Variants in FAM217A observed in about 807,000 individuals in gnomAD.
FAM217A encodes the protein family with sequence similarity 217 member A, also known as protein FAM217A.
A neutral mutation model predicts 18.5 loss-of-function variants in FAM217A; 13 were observed. The ratio of observed to expected loss-of-function variants is 0.70; its 90% CI spans 0.46 to 1.12. FAM217A has a LOEUF of 1.12. FAM217A is among the 50% of genes most tolerant of loss of function. The probability of loss-of-function intolerance (pLI) is 0.00; values close to 1 mark genes in which losing one functional copy is unlikely to be tolerated. For missense variants in FAM217A, 560 were observed against 575.4 expected (o/e 0.97, Z 0.27); for synonymous variants, 161 against 202.8 (o/e 0.79, Z 1.75).
intron 3 of FAM217A, 55 bp downstream of exon 3, chr6:4,074,522 C>T (rs1769644480): frequency 1.3e-6 from 2 of 1,575,486 alleles, no homozygotes; most frequent in Non-Finnish European, 1.7e-6. Flanking sequence ...AAACAAACCC[C>T]CTTTTAATAT....
chr6:4,082,219 T>C (rs1332905333), upstream of FAM217A, among the ~76,000 whole-genome samples: 1 of 152,148 alleles, frequency 6.6e-6, no homozygotes, highest in African/African-American at 2.4e-5. Flanking sequence ...TGGCCCAGCG[T>C]AGGAGGTTGG....
upstream of FAM217A, chr6:4,079,629 C>T (rs1314603210): frequency 3.1e-6 from 4 of 1,288,566 alleles, no homozygotes; most frequent in African/African-American, 6.1e-5. Context: ...GCCCACCCGC[C>T]TCCACCCTCC....
At chr6:4,071,007 G>A (rs542015428) in intron 6 of FAM217A, among the ~76,000 whole-genome samples, 161 of 151,148 alleles carry the variant, frequency 1.1e-3, no homozygotes, top group African/African-American at 3.2e-3. Context: ...AAAAAAAAAA[G>A]AGAAAAAGAA....
rs1050684607 is a variant in FAM217A, at chr6:4,076,259, G to A, written c.60+1096C>T. Among the ~76,000 whole-genome samples the A allele has an allele frequency of 5.3e-5, 8 of 150,078 alleles. No homozygotes were observed. In the East Asian group the frequency reaches 1.2e-3, roughly 22 times the overall value. ...CAGGAGAATCACTTGAATCCGAGAC[G>A]CAGAAGTTGCAGTGAGCCACGATAG... On this transcript the variant is annotated intron_variant, in intron 2 of 6. Coordinates refer to ENST00000274673, the MANE Select transcript of FAM217A (RefSeq NM_173563.3).
At chr6:4,072,643 A>T (rs2473597) in intron 6 of FAM217A, among the ~76,000 whole-genome samples, 39,747 of 151,624 alleles carry the variant, frequency 0.26, 6,010 homozygotes, top group African/African-American at 0.41. Flanking sequence ...ATGCCTGTAA[A>T]CCCAGTTACT....
chr6:4,081,977 A>T (rs1370195085), upstream of FAM217A, among the ~76,000 whole-genome samples: 2 of 152,050 alleles, frequency 1.3e-5, no homozygotes, highest in Non-Finnish European at 2.9e-5. Context: ...ATCCTCTAAG[A>T]TTCTTTTTTT....
intron 2 of FAM217A, among the ~76,000 whole-genome samples, chr6:4,076,977 G>T (rs1170346458): frequency 6.6e-6 from 1 of 152,174 alleles, no homozygotes; most frequent in Admixed American, 6.5e-5. Context: ...CTGACAGTTT[G>T]CAAATTTCTT....
chr6:4,085,309 A>ATATATAT (rs1218177567), intron 1 of FAM217A, among the ~76,000 whole-genome samples: 29 of 114,406 alleles, frequency 2.5e-4, no homozygotes, highest in Middle Eastern at 4.3e-3. Flanking sequence ...ATTGTAAAAA[A>ATATATAT]AAATATATAT....
At position 4,068,715 on chromosome 6, in the gene FAM217A, G is replaced by T; in HGVS notation, c.1508C>A (p.Ser503Ter). The T allele has an allele frequency of 1.2e-6, 2 of 1,605,892 alleles. No individual in the cohort carries two copies. Among genetic ancestry groups the T allele is most frequent in the Non-Finnish European group, 1.7e-6 (2 of 1,176,860 alleles). ...PSLIAKDKCC[S>*]PIEQK ...AAAGAGTTATTTTTGTTCAATGGGT[G>T]AGCAGCACTTATCCTTAGCAATAAG... Residue 503 changes from serine (S) to a stop codon, truncating the protein, a stop_gained, in exon 7 of 7, where the codon TCA becomes TAA. Transcript: ENST00000274673. LOFTEE classifies it high-confidence loss of function.
chr6:4,084,562 C>T, intron 2 of FAM217A: 2 of 701,800 alleles, frequency 2.8e-6, no homozygotes, highest in South Asian at 1.5e-5. Context: ...GTTAAAGTCT[C>T]AGTGTCAGAA....
upstream of FAM217A, among the ~76,000 whole-genome samples, chr6:4,081,028 G>A (rs17677608): frequency 0.12 from 18,325 of 151,998 alleles, 1,203 homozygotes; most frequent in African/African-American, 0.15. Flanking sequence ...CATTTACAAC[G>A]TCTCAATCAC....
chr6:4,072,480 C>T (rs1054996374), intron 6 of FAM217A, among the ~76,000 whole-genome samples: 15 of 91,096 alleles, frequency 1.6e-4, no homozygotes, highest in African/African-American at 6.3e-4. Context: ...AAAAAAAAAG[C>T]GGCCTGGCAT....
chr6:4,074,518 AC>A (rs1769643536), intron 3 of FAM217A, 58 bp downstream of exon 3: 1 of 1,577,482 alleles, frequency 6.3e-7, no homozygotes, highest in Non-Finnish European at 8.7e-7. Context: ...TTCAAAACAA[AC>A]CCCCTTTTAA....
chr6:4,069,709 TTGAACA>T lies in FAM217A; in HGVS notation c.508_513del (p.Cys170_Ser171del), dbSNP rs1769278370. 6.2e-7 allele frequency: 1 copy of T among 1,614,194 alleles called. No individual in the cohort carries two copies. The highest frequency in any genetic ancestry group is 1.7e-5 in the Admixed American group (1 of 60,026). On this transcript the variant is annotated inframe_deletion, in exon 7 of 7. Coordinates refer to ENST00000274673, the MANE Select transcript of FAM217A (RefSeq NM_173563.3). ...GTTTCACCATCATTGTTTTCTATAG[TTGAACA>T]TGAACTAACATGAATCTCATTTCTG...
intron 1 of FAM217A, chr6:4,084,898 CT>C (rs1243611879): frequency 6.1e-6 from 4 of 655,382 alleles, no homozygotes; most frequent in Non-Finnish European, 1.1e-5. Flanking sequence ...AGTCATGCAG[CT>C]GCTGCGCTGC....
At chr6:4,082,810 A>G (rs1770387558), upstream of FAM217A, among the ~76,000 whole-genome samples, 1 of 152,278 alleles carries the variant, frequency 6.6e-6, no homozygotes, top group African/African-American at 2.4e-5. Flanking sequence ...ACTCCCATGT[A>G]TAAACACATG....
Position 4,069,194 on chromosome 6 carries a change from T to TCAG in FAM217A, c.1028_1029insCTG (p.Ile343_Pro344insTer), listed in dbSNP as rs764357663. The TCAG allele has an allele frequency of 6.2e-7, 1 of 1,614,130 alleles. No homozygotes were observed. Among genetic ancestry groups the TCAG allele is most frequent in the Non-Finnish European group, 8.5e-7 (1 of 1,180,022 alleles). ...TTTCTTGACTTTTATCTACACAAGG[T>TCAG]ATCTGAAGACTCAAAGAGTCGCAAA... On this transcript the variant is annotated stop_gained and inframe_insertion, in exon 7 of 7. Transcript: ENST00000274673. LOFTEE classifies it low-confidence loss of function (END_TRUNC).
At position 4,068,732 on chromosome 6, in the gene FAM217A, A is replaced by G. The variant is rs1769187792; in HGVS notation, c.1491T>C (p.Ala497=). Reference sequence around the variant, plus strand: ...CAATGGGTGAGCAGCACTTATCCTTAGCAATAAGGGAAGGCGACAAACAGT... The same window carrying G: ...CAATGGGTGAGCAGCACTTATCCTTGGCAATAAGGGAAGGCGACAAACAGT... ...KLNCLSPSLI[A]KDKCCSPIEQ... is the part of the protein sequence containing the mutation. The change falls in exon 7 of 7, where the codon GCT becomes GCC. Residue 497 remains alanine (A), a synonymous_variant. Coordinates refer to ENST00000274673, the MANE Select transcript of FAM217A (RefSeq NM_173563.3). 6.2e-7 allele frequency: 1 copy of G among 1,611,758 alleles called. No individual in the cohort carries two copies. The highest frequency in any genetic ancestry group is 1.3e-5 in the African/African-American group (1 of 74,778).
rs1561920528 is a variant in FAM217A, at chr6:4,069,838, T to C, written c.385A>G (p.Thr129Ala). 1 of 1,614,074 alleles carries C rather than the reference T, an allele frequency of 6.2e-7. No individual in the cohort carries two copies. Among genetic ancestry groups the C allele is most frequent in the African/African-American group, 1.3e-5 (1 of 75,062 alleles). ...ACTTGCTTATCAACTGAAGCAATTG[T>C]TAATGGGTGGTTCAGAGTGAAGACC... ...IRVFTLNHPL[T>A]IASVDKQVGP... Residue 129 changes from threonine to alanine, a missense_variant, in exon 7 of 7, where the codon ACA becomes GCA. Thr to Ala is a moderately conservative substitution (Grantham distance 58). Transcript: ENST00000274673.
Sources: allele counts gnomAD v4.1 joint callset (sites outside exome capture counted in the v4.1 genomes callset), GRCh38; gene constraint gnomAD v4.1.1; transcripts MANE v1.5; gene names NCBI Gene and HGNC (gene_info 2026-07-23, HGNC 2026-07-21).